RREB1: variants seen among roughly 807,000 people sequenced by gnomAD.
RREB1 encodes ras-responsive element-binding protein 1.
In RREB1, 27 loss-of-function variants were observed where a neutral mutation model predicts 117.8. That is an observed-to-expected ratio of 0.23 (90% confidence interval 0.17 to 0.32). RREB1 has a LOEUF of 0.32. RREB1 is among the 10% of genes least tolerant of loss of function. The pLI is 1.00. For synonymous variants in RREB1, 1,298 were observed against 1,026.7 expected (o/e 1.26, Z -5.05); for missense variants, 2,577 against 2,378.2 (o/e 1.08, Z -1.74).
rs1767955389 is a variant in RREB1, at chr6:7,231,334, C to T, written c.3235C>T (p.Pro1079Ser). The T allele has an allele frequency of 1.9e-6, 3 of 1,611,606 alleles. No individual in the cohort carries two copies. In the South Asian group the frequency reaches 3.3e-5, roughly 18 times the overall value. ...AQIISSVSSA[P>S]TLLKTKVADP... Reference sequence around the variant, plus strand: ...GATCATCTCATCTGTATCCTCGGCCCCCACCCTGCTGAAAACCAAGGTGGC... The same window carrying T: ...GATCATCTCATCTGTATCCTCGGCCTCCACCCTGCTGAAAACCAAGGTGGC... The change falls in exon 10 of 13, where the codon CCC becomes TCC. Residue 1079 changes from proline (P) to serine (S), a missense_variant. By Grantham distance (74) the Pro-to-Ser change is moderately conservative. Transcript: ENST00000379938.
chr6:7,144,898 T>C (rs1177089854), intron 1 of RREB1, among the ~76,000 whole-genome samples: 3 of 152,256 alleles, frequency 2.0e-5, no homozygotes, highest in African/African-American at 7.2e-5. Flanking sequence ...TTGAAGTAGA[T>C]ATATTTATTT....
rs201857015 is a variant in RREB1 at position 7,247,238 on chromosome 6, A to G, written c.4771+17A>G. On this transcript the variant is annotated intron_variant, in intron 12 of 12. Transcript: ENST00000379938. ...CCCACACAGGTAACCAGGGCAGGCC[A>G]GGTCCCCGGCCCAACAAGAGGAGGC... 1.2e-6 allele frequency: 2 copies of G among 1,602,006 alleles called. No homozygotes were observed. Among genetic ancestry groups the G allele is most frequent in the East Asian group, 2.2e-5 (1 of 44,670 alleles).
intron 1 of RREB1, among the ~76,000 whole-genome samples, chr6:7,113,344 C>CT (rs1348161771): frequency 6.6e-6 from 1 of 152,226 alleles, no homozygotes; most frequent in Non-Finnish European, 1.5e-5. Context: ...TATTTCATCT[C>CT]TTTCCCCCTT....
chr6:7,228,140 T>C (rs2113098683), intron 9 of RREB1, among the ~76,000 whole-genome samples: 1 of 152,288 alleles, frequency 6.6e-6, no homozygotes, highest in Non-Finnish European at 1.5e-5. Flanking sequence ...AACAGTGTTG[T>C]TGTTCAAGTG....
chr6:7,224,617 T>A (rs1432371160), intron 8 of RREB1, among the ~76,000 whole-genome samples: 1 of 152,150 alleles, frequency 6.6e-6, no homozygotes, highest in Non-Finnish European at 1.5e-5. Context: ...AGCTCAGAGC[T>A]TGAACGTATT....
chr6:7,222,528 T>A (rs1485544725), intron 8 of RREB1, among the ~76,000 whole-genome samples: 6 of 152,170 alleles, frequency 3.9e-5, no homozygotes, highest in Non-Finnish European at 5.9e-5. Context: ...CAATACTGAA[T>A]AATTCTGCCA....
intron 1 of RREB1, among the ~76,000 whole-genome samples, chr6:7,170,166 C>G (rs535428997): frequency 5.9e-5 from 9 of 152,150 alleles, no homozygotes; most frequent in African/African-American, 2.2e-4. Context: ...AGGTCAAGAC[C>G]AGCGGGGTAT....
chr6:7,163,839 T>C (rs1379080697), intron 1 of RREB1, among the ~76,000 whole-genome samples: 2 of 152,252 alleles, frequency 1.3e-5, no homozygotes, highest in African/African-American at 2.4e-5. Context: ...CTCGGACATA[T>C]CCAGTGAGCA....
chr6:7,220,085 T>C (rs1350755174), intron 8 of RREB1, among the ~76,000 whole-genome samples: 1 of 152,064 alleles, frequency 6.6e-6, no homozygotes, highest in Non-Finnish European at 1.5e-5. Context: ...AATAGGAACC[T>C]CCACAGTGGA....
At chr6:7,109,294 C>G (rs1172958115) in intron 1 of RREB1, among the ~76,000 whole-genome samples, 1 of 151,898 alleles carries the variant, frequency 6.6e-6, no homozygotes, top group Non-Finnish European at 1.5e-5. Flanking sequence ...TGGGCCGGGC[C>G]CCCCGCGCCC....
chr6:7,215,970 T>A (rs983961229), intron 8 of RREB1: 1 of 152,220 alleles, frequency 6.6e-6, no homozygotes, highest in Admixed American at 6.5e-5. Context: ...GGGCGGCAGC[T>A]GGATGGTCAC....
At chr6:7,206,336 A>T (rs1025424686) in intron 6 of RREB1, among the ~76,000 whole-genome samples, 23 of 152,214 alleles carry the variant, frequency 1.5e-4, no homozygotes, top group Non-Finnish European at 3.1e-4. Flanking sequence ...CTCACACCAA[A>T]TTCTAGCAAG....
Position 7,230,290 on chromosome 6 carries a change from G to A in RREB1, c.2191G>A (p.Glu731Lys), listed in dbSNP as rs776377966. 3 of 1,594,980 alleles carry A rather than the reference G, an allele frequency of 1.9e-6. No individual in the cohort carries two copies. The highest frequency in any genetic ancestry group is 1.7e-5 in the Admixed American group (1 of 59,360). The change falls in exon 10 of 13, where the codon GAG (glutamate) becomes AAG (lysine). Residue 731 changes from glutamate (E) to lysine (K), a missense_variant. Glu to Lys is a moderately conservative substitution (Grantham distance 56). Transcript: ENST00000379938. The stretch of plus-strand genomic sequence containing the variant: ...CCTCAAGGCCACCCGCAAGGATATC[G>A]AGAAGAACATCGAGTATGTGAGTAG... ...KHLKATRKDIEKNIEYVSSSA... is the reference protein window; with the variant it reads ...KHLKATRKDIKKNIEYVSSSA...
At chr6:7,188,739 C>T (rs903453900) in intron 5 of RREB1, among the ~76,000 whole-genome samples, 2 of 152,174 alleles carry the variant, frequency 1.3e-5, no homozygotes, top group African/African-American at 4.8e-5. Context: ...GGTTTCAGTT[C>T]TCTTTCTCTG....
At position 7,230,572 on chromosome 6, in the gene RREB1, G is replaced by A. The variant is rs746526434; in HGVS notation, c.2473G>A (p.Val825Met). The A allele has an allele frequency of 7.5e-6, 12 of 1,602,140 alleles. No individual in the cohort carries two copies. The South Asian group carries it at 1.2e-4, about 16-fold the overall frequency. ...GCCCGAGCAGGACATCGAGAGCTACGTGCTGGCCGCCGACGGCCTGGGCCC... is the reference window on the plus strand; with the variant it reads ...GCCCGAGCAGGACATCGAGAGCTACATGCTGGCCGCCGACGGCCTGGGCCC... Reference protein sequence around the residue: ...HVPEQDIESYVLAADGLGPAE... With the variant: ...HVPEQDIESYMLAADGLGPAE... The change falls in exon 10 of 13, where the codon GTG (valine) becomes ATG (methionine). Residue 825 changes from valine to methionine, a missense_variant. Val to Met is a conservative substitution (Grantham distance 21). Transcript: ENST00000379938.
chr6:7,193,707 A>G (rs1318407335), intron 6 of RREB1, among the ~76,000 whole-genome samples: 4 of 152,210 alleles, frequency 2.6e-5, no homozygotes, highest in Non-Finnish European at 5.9e-5. Context: ...TATGTTTCAT[A>G]TACACCTTAT....
chr6:7,113,116 C>G (rs958990757), intron 1 of RREB1, among the ~76,000 whole-genome samples: 1 of 145,444 alleles, frequency 6.9e-6, no homozygotes, highest in Non-Finnish European at 1.5e-5. Flanking sequence ...TAAGAGAATT[C>G]GAAAACCTCT....
intron 1 of RREB1, among the ~76,000 whole-genome samples, chr6:7,171,872 G>A (rs9502558): frequency 0.028 from 4,266 of 152,186 alleles, 193 homozygotes; most frequent in African/African-American, 0.096. Context: ...ACTGGTGTGC[G>A]ACGGGGCCAG....
intron 1 of RREB1, among the ~76,000 whole-genome samples, chr6:7,173,540 T>C (rs998829797): frequency 3.3e-5 from 5 of 150,710 alleles, no homozygotes; most frequent in Non-Finnish European, 7.4e-5. Flanking sequence ...TTTTTGCCTA[T>C]AATCCCAGCA....
Sources: allele counts gnomAD v4.1 joint callset (sites outside exome capture counted in the v4.1 genomes callset), GRCh38; gene constraint gnomAD v4.1.1; transcripts MANE v1.5; gene names NCBI Gene and HGNC (gene_info 2026-07-23, HGNC 2026-07-21).